Variants in AP2A1 observed in about 807,000 individuals in gnomAD.
AP2A1 encodes the protein adaptor related protein complex 2 subunit alpha 1.
In AP2A1, 21 loss-of-function variants were observed where a neutral mutation model predicts 107.3. The ratio of observed to expected loss-of-function variants is 0.20; its 90% confidence interval spans 0.14 to 0.28. The LOEUF is 0.28. Among genes scored for constraint, AP2A1 ranks in the 10% least tolerant of loss-of-function variants. The pLI is 1.00. For synonymous variants in AP2A1, 602 were observed against 564.8 expected (o/e 1.07, Z -0.93); for missense variants, 873 against 1,307.7 (o/e 0.67, Z 5.13).
chr19:49,796,562 G>GGTGTGCATGCCTGTCT (rs1332006893), intron 7 of AP2A1: 1 of 152,448 alleles, frequency 6.6e-6, no homozygotes, highest in Admixed American at 6.5e-5. Context: ...CAAATCTCTG[G>GGTGTGCATGCCTGTCT]GTGTGCATGC....
At chr19:49,781,513 AAGG>A (rs977097515) in intron 1 of AP2A1, among the ~76,000 whole-genome samples, 9 of 151,970 alleles carry the variant, frequency 5.9e-5, no homozygotes, top group Non-Finnish European at 8.8e-5. Context: ...TGGTAGGAGG[AAGG>A]AGAGAGGAAG....
At chr19:49,802,578 C>T in intron 15 of AP2A1, 1 of 1,603,326 alleles carries the variant, frequency 6.2e-7, no homozygotes, top group Admixed American at 1.7e-5. Context: ...GCTTTGCTGG[C>T]TGACCCAGCT....
chr19:49,791,833 T>A, intron 4 of AP2A1, 102 bp from the exon 5 acceptor site: 2 of 1,450,850 alleles, frequency 1.4e-6, no homozygotes, highest in Non-Finnish European at 1.8e-6. Context: ...TCCCTCTCGC[T>A]GGCCTCGCAC....
intron 1 of AP2A1, among the ~76,000 whole-genome samples, chr19:49,780,130 G>T (rs1465173431): frequency 1.3e-5 from 2 of 152,260 alleles, no homozygotes; most frequent in African/African-American, 4.8e-5. Context: ...TCCATAACTA[G>T]ACATTTATAG....
At chr19:49,767,553 A>G (rs2084515666) in intron 1 of AP2A1, among the ~76,000 whole-genome samples, 1 of 152,074 alleles carries the variant, frequency 6.6e-6, no homozygotes, top group South Asian at 2.1e-4. Context: ...AATGTAGAGA[A>G]GAAGTGAAAG....
At chr19:49,772,246 G>GTTTTTTT (rs71180653) in intron 1 of AP2A1, among the ~76,000 whole-genome samples, 8 of 56,174 alleles carry the variant, frequency 1.4e-4, no homozygotes, top group African/African-American at 4.1e-4. Flanking sequence ...TTTTCATAGA[G>GTTTTTTT]TTTTTTTTTT....
At chr19:49,780,654 G>A (rs1354615571) in intron 1 of AP2A1, among the ~76,000 whole-genome samples, 4 of 152,146 alleles carry the variant, frequency 2.6e-5, no homozygotes, top group South Asian at 2.1e-4. Context: ...CTGAGCGAGC[G>A]AGCATGGGAT....
In AP2A1 at chr19:49,806,814, G is replaced by A; in HGVS notation, c.*56G>A. 1.2e-5 allele frequency: 19 copies of A among 1,609,482 alleles called. No individual in the cohort carries two copies. The South Asian group carries it at 2.1e-4, about 18-fold the overall frequency. On this transcript the variant is annotated 3_prime_UTR_variant, in exon 23 of 23. Coordinates refer to ENST00000354293, the MANE Select transcript of AP2A1 (RefSeq NM_130787.3). ...GGCACTGGGCAGCCCCTTGGACTGA[G>A]GCAGTTTTGGTGGATGGGGGACCTC...
At chr19:49,768,944 A>G (rs899388858) in intron 1 of AP2A1, among the ~76,000 whole-genome samples, 5 of 152,122 alleles carry the variant, frequency 3.3e-5, no homozygotes, top group African/African-American at 4.8e-5. Flanking sequence ...TGGGGTGACA[A>G]TAGTGAACAG....
At chr19:49,798,239 G>A (rs2073234701) in intron 7 of AP2A1, among the ~76,000 whole-genome samples, 1 of 152,136 alleles carries the variant, frequency 6.6e-6, no homozygotes, top group South Asian at 2.1e-4. Context: ...GTCAGTGGTG[G>A]AGAGCTCTGG....
intron 22 of AP2A1, 60 bp from the exon 23 acceptor site, chr19:49,806,621 G>A: frequency 6.2e-7 from 1 of 1,607,772 alleles, no homozygotes; most frequent in Non-Finnish European, 8.5e-7. Flanking sequence ...TCTCCCTTGG[G>A]TCCCGACTTC....
intron 7 of AP2A1, chr19:49,796,146 A>G (rs965143992): frequency 1.5e-5 from 3 of 205,548 alleles, no homozygotes; most frequent in South Asian, 1.6e-4. Context: ...GGGTTTTCAC[A>G]TCTGTTGGGA....
intron 16 of AP2A1, 51 bp downstream of exon 16, chr19:49,803,056 G>A (rs1049420261): frequency 1.2e-6 from 2 of 1,613,810 alleles, no homozygotes; most frequent in Non-Finnish European, 1.7e-6. Flanking sequence ...GCGGAGCCCA[G>A]GCCAGGTGCA....
chr19:49,802,685 C>A, intron 15 of AP2A1: 1 of 1,305,108 alleles, frequency 7.7e-7, no homozygotes, highest in South Asian at 1.5e-5. Context: ...GAGCCCTCGT[C>A]AACGGGTTCC....
chr19:49,795,602 C>CCCCCA (rs2073202610), intron 6 of AP2A1, 28 bp from the exon 7 acceptor site: 69 of 1,236,510 alleles, frequency 5.6e-5, no homozygotes, highest in East Asian at 7.7e-5. Flanking sequence ...CCCCAGCCCC[C>CCCCCA]AACTTATTTC....
Position 49,806,737 on chromosome 19 carries a change from G to C in AP2A1, c.2847G>C (p.Glu949Asp), listed in dbSNP as rs374108285. The change falls in exon 23 of 23, where the codon GAG becomes GAC. Residue 949 changes from glutamate to aspartate, a missense_variant. By Grantham distance (45) the Glu-to-Asp change is conservative (BLOSUM62 2). Transcript: ENST00000354293. The stretch of plus-strand genomic sequence containing the variant: ...AGCCCGTCTCCCGTCACCTGTGTGA[G>C]CTGCTGGCACAGCAGTTCTGAGCCC... ...SKEPVSRHLC[E>D]LLAQQF 20 of 1,613,642 alleles carry C rather than the reference G, an allele frequency of 1.2e-5. No homozygotes were observed. Among genetic ancestry groups the C allele is most frequent in the Non-Finnish European group, 1.7e-5 (20 of 1,179,880 alleles).
Position 49,805,463 on chromosome 19 carries a change from G to A in AP2A1, c.2355G>A (p.Val785=). The A allele has an allele frequency of 1.9e-6, 3 of 1,546,026 alleles. No individual in the cohort carries two copies. Among genetic ancestry groups the A allele is most frequent in the Non-Finnish European group, 2.6e-6 (3 of 1,143,852 alleles). The stretch of plus-strand genomic sequence containing the variant: ...ACTCCTGGCGGGCACAGCTGGCTGT[G>A]CAGACCAAGCGCGTGGCGGCGCAGG... ...HPGDLQTQLA[V]QTKRVAAQVD... is the part of the protein sequence containing the mutation. The change falls in exon 19 of 23, where the codon GTG becomes GTA. Residue 785 remains valine, a synonymous_variant. Coordinates refer to ENST00000354293, the MANE Select transcript of AP2A1 (RefSeq NM_130787.3).
intron 1 of AP2A1, among the ~76,000 whole-genome samples, chr19:49,773,372 C>T (rs909387652): frequency 3.3e-5 from 5 of 152,200 alleles, no homozygotes; most frequent in Non-Finnish European, 7.3e-5. Flanking sequence ...CATCAGAGCA[C>T]ATCCCACTCC....
chr19:49,804,733 G>C (rs993856006), intron 18 of AP2A1: 1 of 152,158 alleles, frequency 6.6e-6, no homozygotes, highest in African/African-American at 2.4e-5. Context: ...ACAAGTACTT[G>C]TGATGGATTC....
Sources: gnomAD v4.1 joint callset for allele counts (sites outside exome capture counted in the v4.1 genomes callset) on GRCh38, gnomAD v4.1.1 for gene constraint, MANE v1.5 for transcripts, NCBI Gene and HGNC (gene_info 2026-07-23, HGNC 2026-07-21) for gene names.